SQOR: variants seen among roughly 807,000 people sequenced by gnomAD.
SQOR encodes the protein sulfide:quinone oxidoreductase, mitochondrial.
SQOR carries 39 observed loss-of-function variants against 48.6 expected under a neutral mutation model. The observed-to-expected ratio is 0.80, with a 90% CI of 0.62 to 1.05. SQOR has a LOEUF of 1.05. Among genes scored for constraint, SQOR ranks in the 50% least tolerant of loss-of-function variants. The pLI is 0.00. For synonymous variants in SQOR, 220 were observed against 206.2 expected, an observed-to-expected ratio of 1.07 and a Z score of -0.57; for missense variants, 561 against 559.9, an observed-to-expected ratio of 1.00 and a Z score of -0.02.
In SQOR at chr15:45,673,508, G is replaced by A. The variant is rs1483827577; in HGVS notation, c.460-99G>A. Reference sequence around the variant, plus strand: ...ATGTGGGTATTGGAGGGTAATGATAGTACTGAAATATTTGAAAGGTTGTAG... The same window carrying A: ...ATGTGGGTATTGGAGGGTAATGATAATACTGAAATATTTGAAAGGTTGTAG... On this transcript the variant is annotated intron_variant, in intron 4 of 9. Transcript: ENST00000260324. 6 of 1,311,970 alleles carry A rather than the reference G, an allele frequency of 4.6e-6. No individual in the cohort carries two copies. In the Admixed American group the frequency reaches 8.0e-5, roughly 17 times the overall value. The allele number at this position is 1,311,970 out of a possible 1,614,324, so 81.3% of individuals were successfully genotyped here. A position where few individuals can be genotyped will look rare whatever the true frequency, so the allele number is the denominator to read the frequency against.
At chr15:45,672,256 C>A (rs1023076206) in intron 4 of SQOR, among the ~76,000 whole-genome samples, 1 of 152,118 alleles carries the variant, frequency 6.6e-6, no homozygotes, top group Admixed American at 6.6e-5. Context: ...CTGGGCAGGG[C>A]TCCATCCATT....
chr15:45,638,971 A>T (rs1440226778), intron 1 of SQOR, among the ~76,000 whole-genome samples: 1 of 152,208 alleles, frequency 6.6e-6, no homozygotes, highest in African/African-American at 2.4e-5. Context: ...AACTTTGAGA[A>T]AATAAATTTC....
chr15:45,649,675 G>T (rs1460541941), intron 1 of SQOR, among the ~76,000 whole-genome samples: 1 of 152,084 alleles, frequency 6.6e-6, no homozygotes, highest in Non-Finnish European at 1.5e-5. Context: ...TAGAGACAGG[G>T]TTTCACCATG....
chr15:45,659,093 C>T lies in SQOR; in HGVS notation c.170C>T (p.Thr57Ile). ...LVLGGGSGGI[T>I]MAARMKRKVG... ...CTGGGTGGGGGCAGTGGCGGAATCA[C>T]CATGGCTGCCCGCATGAAGAGGAAA... The change falls in exon 2 of 10, where the codon ACC (threonine) becomes ATC (isoleucine). Residue 57 changes from threonine to isoleucine, a missense_variant. By Grantham distance (89) the Thr-to-Ile change is moderately conservative. Transcript: ENST00000260324. 1.3e-6 allele frequency: 2 copies of T among 1,586,064 alleles called. No homozygotes were observed. The highest frequency in any genetic ancestry group is 1.7e-6 in the Non-Finnish European group (2 of 1,165,250).
intron 3 of SQOR, among the ~76,000 whole-genome samples, chr15:45,663,278 A>G (rs1203489283): frequency 2.0e-5 from 3 of 152,102 alleles, no homozygotes; most frequent in Non-Finnish European, 4.4e-5. Context: ...TCAGCCTCCC[A>G]AAGTGTTGGG....
At chr15:45,659,870 C>T (rs116867191) in intron 2 of SQOR, among the ~76,000 whole-genome samples, 2 of 152,354 alleles carry the variant, frequency 1.3e-5, no homozygotes, top group East Asian at 3.9e-4. Context: ...CCATGACACT[C>T]TCCCAGTGCC....
At chr15:45,689,390 C>A in intron 9 of SQOR, 173 bp downstream of exon 9, 1 of 549,906 alleles carries the variant, frequency 1.8e-6, no homozygotes, top group Non-Finnish European at 3.1e-6. Flanking sequence ...CTTTCACATA[C>A]CAAGTACTCT....
Position 45,669,921 on chromosome 15 carries a change from G to C in SQOR, c.406-7G>C, listed in dbSNP as rs755230162. 5 of 1,613,474 alleles carry C rather than the reference G, an allele frequency of 3.1e-6. No individual in the cohort carries two copies. The highest frequency in any genetic ancestry group is 1.1e-5 in the South Asian group (1 of 91,066). On this transcript the variant is annotated splice_region_variant and splice_polypyrimidine_tract_variant and intron_variant, in intron 3 of 9. Transcript: ENST00000260324. ...CTGGTCTAAAATAATGTCTTTTTGT[G>C]TTGCAGATCTCCTACCGATATCTTA...
chr15:45,655,282 A>G (rs918464569), intron 1 of SQOR, among the ~76,000 whole-genome samples: 1 of 152,058 alleles, frequency 6.6e-6, no homozygotes, highest in African/African-American at 2.4e-5. Flanking sequence ...GGCGCTTCCT[A>G]TGGGGCTTTT....
At chr15:45,661,188 A>C (rs558894820) in intron 2 of SQOR, among the ~76,000 whole-genome samples, 1 of 151,340 alleles carries the variant, frequency 6.6e-6, no homozygotes, top group African/African-American at 2.4e-5. Context: ...AGGCTGAGGC[A>C]GAAGAATCGC....
intron 3 of SQOR, among the ~76,000 whole-genome samples, chr15:45,667,483 C>T (rs1465945328): frequency 6.6e-6 from 1 of 152,046 alleles, no homozygotes; most frequent in East Asian, 1.9e-4. Context: ...CACTGTTGTG[C>T]GTAACTGCTC....
chr15:45,672,425 CA>C (rs1235111941), intron 4 of SQOR, among the ~76,000 whole-genome samples: 2 of 152,072 alleles, frequency 1.3e-5, no homozygotes, highest in African/African-American at 2.4e-5. Context: ...CTAACTGTAA[CA>C]GGGGTGAACA....
intron 3 of SQOR, among the ~76,000 whole-genome samples, chr15:45,667,744 C>G (rs1243738975): frequency 1.3e-5 from 2 of 152,056 alleles, no homozygotes; most frequent in Admixed American, 1.3e-4. Flanking sequence ...GTGGCCTGCA[C>G]AAACCAAAAG....
intron 1 of SQOR, among the ~76,000 whole-genome samples, chr15:45,637,599 T>C (rs1895026648): frequency 6.6e-6 from 1 of 152,100 alleles, no homozygotes; most frequent in Non-Finnish European, 1.5e-5. Flanking sequence ...GCTGGAAAAA[T>C]ATATAAACAC....
chr15:45,673,961 G>C, intron 5 of SQOR, 160 bp downstream of exon 5: 1 of 712,714 alleles, frequency 1.4e-6, no homozygotes, highest in Non-Finnish European at 2.2e-6. Flanking sequence ...AAATATAAAA[G>C]AGGAGAAAAT....
chr15:45,656,331 C>T (rs1889610461), intron 1 of SQOR, among the ~76,000 whole-genome samples: 1 of 152,174 alleles, frequency 6.6e-6, no homozygotes, highest in South Asian at 2.1e-4. Context: ...GACAGGGTCT[C>T]CCTCTCTTCC....
intron 4 of SQOR, 75 bp downstream of exon 4, chr15:45,670,056 T>C: frequency 5.9e-6 from 8 of 1,364,906 alleles, no homozygotes; most frequent in Admixed American, 1.8e-5. Context: ...AGTTGCTTTA[T>C]TATATTCATT....
rs1452665437 is a variant in SQOR, at chr15:45,676,038, T to TG, written c.655-63_655-62insG. The TG allele has an allele frequency of 1.4e-5, 20 of 1,438,586 alleles. No individual in the cohort carries two copies. In the Admixed American group the frequency reaches 4.1e-4, roughly 29 times the overall value. The allele number at this position is 1,438,586 out of a possible 1,614,324, so 89.1% of individuals were successfully genotyped here. The stretch of plus-strand genomic sequence containing the variant: ...CTGAGGGTTTTAATTCTTGTCTGGA[T>TG]TAAAAAAAAAAAAGGCAGCTGCAGT... On this transcript the variant is annotated intron_variant, in intron 5 of 9. Coordinates refer to ENST00000260324, the MANE Select transcript of SQOR (RefSeq NM_021199.4).
intron 3 of SQOR, among the ~76,000 whole-genome samples, chr15:45,664,219 C>T (rs970930412): frequency 1.3e-5 from 2 of 152,120 alleles, no homozygotes; most frequent in African/African-American, 4.8e-5. Context: ...TTCACTGAGC[C>T]AGAATCCACC....
Sources: allele counts gnomAD v4.1 joint callset (sites outside exome capture counted in the v4.1 genomes callset), GRCh38; gene constraint gnomAD v4.1.1; transcripts MANE v1.5; gene names NCBI Gene and HGNC (gene_info 2026-07-23, HGNC 2026-07-21).